DCHS2: variants seen among roughly 807,000 people sequenced by gnomAD.
The protein encoded by DCHS2 is dachsous cadherin-related 2.
A neutral mutation model predicts 182.4 loss-of-function variants in DCHS2; 142 were observed. That is an observed-to-expected ratio of 0.78 (90% CI 0.68 to 0.89). DCHS2 has a LOEUF of 0.89. Ranked by LOEUF, DCHS2 falls within the 40% of genes least tolerant of loss-of-function variation. DCHS2 has a pLI of 0.00. For missense variants in DCHS2, 4,319 were observed against 4,198.6 expected, an observed-to-expected ratio of 1.03 and a Z score of -0.79; for synonymous variants, 1,740 against 1,663.3, an observed-to-expected ratio of 1.05 and a Z score of -1.12.
In DCHS2 at chr4:154,491,405, C is replaced by T. The variant is rs113060917; in HGVS notation, c.-50G>A. The T allele has an allele frequency of 1.4e-3, 2,088 of 1,448,646 alleles. 22 individuals are homozygous for T. In the African/African-American group the frequency reaches 0.024, roughly 17 times the overall value. The allele number at this position is 1,448,646 out of a possible 1,614,324, so 89.7% of individuals were successfully genotyped here. Reference sequence around the variant, plus strand: ...CTCTCGGGTAACTGCCAGCTTGTGGCAGGATCGCAGAAAAATCCAGGAGCC... The same window carrying T: ...CTCTCGGGTAACTGCCAGCTTGTGGTAGGATCGCAGAAAAATCCAGGAGCC... On this transcript the variant is annotated 5_prime_UTR_variant, in exon 1 of 20. Transcript: ENST00000357232.
chr4:154,333,405 G>C lies in DCHS2; in HGVS notation c.2803C>G (p.Arg935Gly). 6.2e-7 allele frequency: 1 copy of C among 1,613,980 alleles called. No homozygotes were observed. Among genetic ancestry groups the C allele is most frequent in the Non-Finnish European group, 8.5e-7 (1 of 1,179,926 alleles). Residue 935 changes from arginine (R) to glycine (G), a missense_variant, in exon 5 of 20, where the codon CGG becomes GGG. Arg to Gly is a moderately radical substitution (Grantham distance 125, BLOSUM62 -2). Transcript: ENST00000357232. ...IHPRLGTIRT[R>G]KPLDHETQPV... ...TGCGTCTCGTGATCCAGGGGCTTCC[G>C]GGTGCGAATAGTGCCCAGCCGCGGG...
chr4:154,475,089 C>A (rs1735632299), intron 1 of DCHS2, among the ~76,000 whole-genome samples: 1 of 151,928 alleles, frequency 6.6e-6, no homozygotes, highest in African/African-American at 2.4e-5. Flanking sequence ...TCACTATTAC[C>A]TTATCCTAAT....
At chr4:154,337,497 G>T (rs1010234971) in intron 3 of DCHS2, among the ~76,000 whole-genome samples, 17 of 152,172 alleles carry the variant, frequency 1.1e-4, no homozygotes, top group Admixed American at 2.6e-4. Flanking sequence ...TCAGGGTAAA[G>T]CTTAAATGCA....
chr4:154,418,817 C>T (rs1327339843), intron 1 of DCHS2, among the ~76,000 whole-genome samples: 2 of 152,128 alleles, frequency 1.3e-5, no homozygotes, highest in African/African-American at 4.8e-5. Context: ...TAGATATTTG[C>T]ACATATTTTT....
At chr4:154,258,742 G>T (rs1732823843) in intron 15 of DCHS2, among the ~76,000 whole-genome samples, 2 of 152,216 alleles carry the variant, frequency 1.3e-5, no homozygotes, top group South Asian at 4.2e-4. Flanking sequence ...CAGAAAATAT[G>T]CTAGCATGCC....
chr4:154,298,436 T>G lies in DCHS2; in HGVS notation c.5878A>C (p.Lys1960Gln). 1 of 1,614,180 alleles carries G rather than the reference T, an allele frequency of 6.2e-7. No homozygotes were observed. Among genetic ancestry groups the G allele is most frequent in the Middle Eastern group, 1.7e-4 (1 of 6,060 alleles). Residue 1960 changes from lysine (K) to glutamine (Q), a missense_variant, in exon 13 of 20, where the codon AAG (lysine) becomes CAG (glutamine). Coordinates refer to ENST00000357232, the MANE Select transcript of DCHS2 (RefSeq NM_001358235.2). ...TVVLVLSAVDKDEGLNGQTEY... is the reference protein window; with the variant it reads ...TVVLVLSAVDQDEGLNGQTEY... ...GTTTGCCCATTCAGGCCTTCATCCT[T>G]GTCCACAGCTGAAAGCACAAGAACC...
intron 13 of DCHS2, among the ~76,000 whole-genome samples, chr4:154,273,756 G>A (rs942443646): frequency 1.1e-4 from 16 of 150,930 alleles, no homozygotes; most frequent in African/African-American, 3.4e-4. Context: ...GTAATTTATG[G>A]CATCTGTTTT....
At position 154,298,634 on chromosome 4, in the gene DCHS2, C is replaced by T. The variant is rs1415166495; in HGVS notation, c.5680G>A (p.Glu1894Lys). The change falls in exon 13 of 20, where the codon GAG (glutamate) becomes AAG (lysine). Residue 1894 changes from glutamate to lysine, a missense_variant. Glu to Lys is a moderately conservative substitution (Grantham distance 56). Coordinates refer to ENST00000357232, the MANE Select transcript of DCHS2 (RefSeq NM_001358235.2). ...ACAAGGGTAAAATTGCTGATTTGCT[C>T]CCGGTCCAAAGCACGAGTGGTTGAG... ...ELSTTRALDR[E>K]QISNFTLVIL... The T allele has an allele frequency of 1.9e-6, 3 of 1,613,874 alleles. No individual in the cohort carries two copies. The highest frequency in any genetic ancestry group is 1.7e-5 in the Admixed American group (1 of 59,996).
At chr4:154,317,049 T>G (rs1308394819) in intron 9 of DCHS2, among the ~76,000 whole-genome samples, 1 of 152,216 alleles carries the variant, frequency 6.6e-6, no homozygotes, top group African/African-American at 2.4e-5. Flanking sequence ...TTTTCAATAA[T>G]TACTCATCAC....
At chr4:154,432,301 C>T (rs1281589782) in intron 1 of DCHS2, among the ~76,000 whole-genome samples, 1 of 152,242 alleles carries the variant, frequency 6.6e-6, no homozygotes, top group African/African-American at 2.4e-5. Flanking sequence ...GCTAAAGACT[C>T]TCAGCTTATC....
Position 154,298,394 on chromosome 4 carries a change from C to G in DCHS2, c.5920G>C (p.Asp1974His). Residue 1974 changes from aspartate (D) to histidine (H), a missense_variant, in exon 13 of 20, where the codon GAT (aspartate) becomes CAT (histidine). Physicochemically the swap from Asp to His is moderately conservative, Grantham distance 81 (BLOSUM62 -1). Transcript: ENST00000357232. Reference sequence around the variant, plus strand: ...ATGGTGAATGCACCAGAAGCCTCATCAGTCAGAAAATACTCAGTTTGCCCA... The same window carrying G: ...ATGGTGAATGCACCAGAAGCCTCATGAGTCAGAAAATACTCAGTTTGCCCA... Reference protein sequence around the residue: ...LNGQTEYFLTDEASGAFTIDP... With the variant: ...LNGQTEYFLTHEASGAFTIDP... 6.2e-7 allele frequency: 1 copy of G among 1,614,200 alleles called. No individual in the cohort carries two copies. The highest frequency in any genetic ancestry group is 1.1e-5 in the South Asian group (1 of 91,080).
chr4:154,374,078 T>G, intron 2 of DCHS2: 1 of 842,582 alleles, frequency 1.2e-6, no homozygotes, highest in East Asian at 2.7e-5. Context: ...ACACCTGGAT[T>G]AAAGTCAAAA....
At chr4:154,405,551 T>G (rs1732365493) in intron 1 of DCHS2, among the ~76,000 whole-genome samples, 1 of 151,900 alleles carries the variant, frequency 6.6e-6, no homozygotes, top group African/African-American at 2.4e-5. Context: ...TGTGCCAGAG[T>G]TTACTAATGC....
chr4:154,484,184 G>A (rs1728496557), intron 1 of DCHS2, among the ~76,000 whole-genome samples: 1 of 152,062 alleles, frequency 6.6e-6, no homozygotes, highest in Non-Finnish European at 1.5e-5. Context: ...ATTCCTTTGT[G>A]ATACCTCTAA....
Position 154,491,396 on chromosome 4 carries a change from A to G in DCHS2, c.-41T>C. 6.9e-7 allele frequency: 1 copy of G among 1,456,974 alleles called. No homozygotes were observed. The highest frequency in any genetic ancestry group is 9.1e-7 in the Non-Finnish European group (1 of 1,103,622). The allele number at this position is 1,456,974 out of a possible 1,614,324, so 90.3% of individuals were successfully genotyped here. A position where few individuals can be genotyped will look rare whatever the true frequency, so the allele number is the denominator to read the frequency against. On this transcript the variant is annotated 5_prime_UTR_variant, in exon 1 of 20. Transcript: ENST00000357232. ...TTGGGAAGGCTCTCGGGTAACTGCC[A>G]GCTTGTGGCAGGATCGCAGAAAAAT...
intron 10 of DCHS2, among the ~76,000 whole-genome samples, chr4:154,312,052 C>T (rs1735690221): frequency 6.6e-6 from 1 of 151,926 alleles, no homozygotes; most frequent in Admixed American, 6.6e-5. Flanking sequence ...CCAAGGAAAA[C>T]ATAACAGCAC....
intron 1 of DCHS2, among the ~76,000 whole-genome samples, chr4:154,410,931 C>T (rs1732604221): frequency 6.6e-6 from 1 of 152,188 alleles, no homozygotes; most frequent in Admixed American, 6.6e-5. Context: ...TAGTGAATTT[C>T]CAGCAGTAAC....
chr4:154,335,177 G>T, intron 3 of DCHS2, 73 bp from the exon 4 acceptor site: 1 of 958,070 alleles, frequency 1.0e-6, no homozygotes, highest in Non-Finnish European at 1.7e-6. Flanking sequence ...GTAACACCTG[G>T]TCTATTAAGT....
chr4:154,411,546 A>G (rs1046174365), intron 1 of DCHS2, among the ~76,000 whole-genome samples: 2 of 152,146 alleles, frequency 1.3e-5, no homozygotes, highest in Non-Finnish European at 2.9e-5. Flanking sequence ...GCAATAAGCC[A>G]AGATTATACC....
Sources: gnomAD v4.1 joint callset for allele counts (sites outside exome capture counted in the v4.1 genomes callset) on GRCh38, gnomAD v4.1.1 for gene constraint, MANE v1.5 for transcripts, NCBI Gene and HGNC (gene_info 2026-07-23, HGNC 2026-07-21) for gene names.